The following ARID5B variants were observed in gnomAD, a reference collection of about 807,000 sequenced individuals.
ARID5B encodes the protein AT-rich interaction domain 5B.
Under a neutral mutation model 97.2 loss-of-function variants are expected in ARID5B, and 13 were observed. That is an observed-to-expected ratio of 0.13 (90% CI 0.09 to 0.21). The LOEUF is 0.21. ARID5B is among the 10% of genes least tolerant of loss of function. The probability of loss-of-function intolerance (pLI) is 1.00; values close to 1 mark genes in which losing one functional copy is unlikely to be tolerated. For missense variants in ARID5B, 1,210 were observed against 1,465.3 expected, an observed-to-expected ratio of 0.83 and a Z score of 2.84; for synonymous variants, 556 against 570.3, an observed-to-expected ratio of 0.97 and a Z score of 0.36.
chr10:61,956,177 T>A (rs559593107), intron 3 of ARID5B, among the ~76,000 whole-genome samples: 3 of 152,136 alleles, frequency 2.0e-5, no homozygotes, highest in Admixed American at 2.0e-4. Flanking sequence ...AGAAAGTGAG[T>A]AGCCTGCCTG....
intron 3 of ARID5B, among the ~76,000 whole-genome samples, chr10:61,978,352 TG>T (rs1287975890): frequency 1.3e-5 from 2 of 152,244 alleles, no homozygotes; most frequent in East Asian, 3.8e-4. Context: ...GGCTCTTTTT[TG>T]GTTCCATGTG....
rs186849906 is a variant in ARID5B at position 62,086,733 on chromosome 10, C to T, written c.1398+833C>T. On this transcript the variant is annotated intron_variant, in intron 9 of 9. Coordinates refer to ENST00000279873, the MANE Select transcript of ARID5B (RefSeq NM_032199.3). ...AAAAATATCAGGCATGGTGGTGCCC[C>T]GCTGTGGTCCCAGCTACTCAAGAGG... Among the ~76,000 whole-genome samples the T allele has an allele frequency of 7.4e-3, 1,077 of 146,396 alleles. 7 individuals are homozygous for T. Among genetic ancestry groups the T allele is most frequent in the Non-Finnish European group, 0.011 (761 of 66,810 alleles).
At chr10:62,042,914 CAA>C (rs34887438) in intron 4 of ARID5B, among the ~76,000 whole-genome samples, 53,980 of 121,470 alleles carry the variant, frequency 0.44, 12,355 homozygotes, top group Non-Finnish European at 0.57. Flanking sequence ...GAGTCTGTCC[CAA>C]AAAAAAAAAA....
chr10:62,085,833 T>C lies in ARID5B; in HGVS notation c.1331T>C (p.Ile444Thr), dbSNP rs1353076977. Reference sequence around the variant, plus strand: ...ACAAAAGTATCTGGAACCAAACGCATCAAACATGAAATACCTAAAAGCAAG... The same window carrying C: ...ACAAAAGTATCTGGAACCAAACGCACCAAACATGAAATACCTAAAAGCAAG... ...NKTKVSGTKRIKHEIPKSKKE... is the reference protein window; with the variant it reads ...NKTKVSGTKRTKHEIPKSKKE... Residue 444 changes from isoleucine to threonine, a missense_variant, in exon 9 of 10, where the codon ATC becomes ACC. By Grantham distance (89) the Ile-to-Thr change is moderately conservative. Coordinates refer to ENST00000279873, the MANE Select transcript of ARID5B (RefSeq NM_032199.3). 2 of 1,613,820 alleles carry C rather than the reference T, an allele frequency of 1.2e-6. No individual in the cohort carries two copies. The highest frequency in any genetic ancestry group is 2.7e-5 in the African/African-American group (2 of 74,842).
chr10:62,078,608 G>A (rs1840168962), intron 8 of ARID5B, among the ~76,000 whole-genome samples: 1 of 152,178 alleles, frequency 6.6e-6, no homozygotes, highest in Non-Finnish European at 1.5e-5. Flanking sequence ...ATTGTAGAGG[G>A]CTAGGCACCA....
intron 3 of ARID5B, among the ~76,000 whole-genome samples, chr10:61,954,608 G>A (rs1334728913): frequency 6.6e-6 from 1 of 152,088 alleles, no homozygotes; most frequent in African/African-American, 2.4e-5. Flanking sequence ...GCTGTGAACT[G>A]GTGTTCTTGT....
At chr10:62,023,685 A>G (rs1839384027) in intron 4 of ARID5B, among the ~76,000 whole-genome samples, 1 of 152,214 alleles carries the variant, frequency 6.6e-6, no homozygotes, top group Non-Finnish European at 1.5e-5. Context: ...TTAAAAGACA[A>G]GTAGCGATGT....
At chr10:61,996,562 T>G (rs957454260) in intron 3 of ARID5B, among the ~76,000 whole-genome samples, 16 of 152,106 alleles carry the variant, frequency 1.1e-4, no homozygotes, top group Non-Finnish European at 2.9e-5. Flanking sequence ...TAGTCTCAAA[T>G]TGGGGAATAT....
intron 8 of ARID5B, among the ~76,000 whole-genome samples, chr10:62,070,947 T>C (rs1273847087): frequency 1.3e-5 from 2 of 152,072 alleles, no homozygotes; most frequent in Non-Finnish European, 2.9e-5. Flanking sequence ...AGCACTGATA[T>C]CTCAGGTGAG....
chr10:61,938,214 G>C (rs917985584), intron 2 of ARID5B, among the ~76,000 whole-genome samples: 1 of 152,126 alleles, frequency 6.6e-6, no homozygotes, highest in Non-Finnish European at 1.5e-5. Context: ...TTTGTTTGGA[G>C]GGTGTTGTAA....
intron 8 of ARID5B, among the ~76,000 whole-genome samples, chr10:62,075,608 G>A (rs1006193202): frequency 6.6e-6 from 1 of 152,214 alleles, no homozygotes; most frequent in Non-Finnish European, 1.5e-5. Flanking sequence ...TCAGCGTCCA[G>A]GAGCTTGTCA....
chr10:61,927,834 A>G (rs140199828), intron 2 of ARID5B, among the ~76,000 whole-genome samples: 5 of 152,318 alleles, frequency 3.3e-5, no homozygotes, highest in African/African-American at 1.2e-4. Context: ...TACCGCATGA[A>G]AGAAACGAGA....
intron 2 of ARID5B, among the ~76,000 whole-genome samples, chr10:61,933,790 A>G (rs145224644): frequency 6.6e-6 from 1 of 152,212 alleles, no homozygotes; most frequent in African/African-American, 2.4e-5. Flanking sequence ...TAGATTTAGC[A>G]TAATCCTGAA....
intron 3 of ARID5B, among the ~76,000 whole-genome samples, chr10:61,966,144 T>C (rs920563138): frequency 3.9e-5 from 6 of 152,306 alleles, no homozygotes; most frequent in Admixed American, 1.3e-4. Flanking sequence ...ATTTACTATA[T>C]TTTCTTTTTA....
At chr10:61,925,646 AG>A (rs1438258418) in intron 2 of ARID5B, among the ~76,000 whole-genome samples, 2 of 152,180 alleles carry the variant, frequency 1.3e-5, no homozygotes, top group African/African-American at 2.4e-5. Flanking sequence ...GGGAGGAAAA[AG>A]GTACATGCAT....
intron 2 of ARID5B, among the ~76,000 whole-genome samples, chr10:61,903,158 TG>T (rs1843645589): frequency 7.0e-6 from 1 of 142,054 alleles, no homozygotes; most frequent in Middle Eastern, 3.5e-3. Context: ...GCGCGATCTT[TG>T]GGGGTGTGTG....
intron 2 of ARID5B, among the ~76,000 whole-genome samples, chr10:61,904,105 C>T (rs986373444): frequency 1.3e-5 from 2 of 149,826 alleles, no homozygotes; most frequent in African/African-American, 5.0e-5. Context: ...CCCTCTCCCC[C>T]TCCTGATTTC....
chr10:61,938,203 A>G (rs1844339132), intron 2 of ARID5B, among the ~76,000 whole-genome samples: 1 of 152,156 alleles, frequency 6.6e-6, no homozygotes, highest in African/African-American at 2.4e-5. Context: ...TTAATATACT[A>G]TTTGTTTGGA....
chr10:61,999,285 G>C (rs781049866), intron 3 of ARID5B, among the ~76,000 whole-genome samples: 3 of 152,220 alleles, frequency 2.0e-5, no homozygotes, highest in Non-Finnish European at 4.4e-5. Flanking sequence ...AGATTATACA[G>C]ATGCTTGTTG....
Sources: allele counts gnomAD v4.1 joint callset (sites outside exome capture counted in the v4.1 genomes callset), GRCh38; gene constraint gnomAD v4.1.1; transcripts MANE v1.5; gene names NCBI Gene and HGNC (gene_info 2026-07-23, HGNC 2026-07-21).